DSCAM: variants seen among roughly 807,000 people sequenced by gnomAD.
DSCAM encodes the protein cell adhesion molecule DSCAM.
DSCAM carries 47 observed loss-of-function variants against 217.7 expected under a neutral mutation model. The observed-to-expected ratio is 0.22, with a 90% CI of 0.17 to 0.28. The LOEUF (loss-of-function observed/expected upper bound fraction) is 0.28. Ranked by LOEUF, DSCAM falls within the 10% of genes least tolerant of loss-of-function variation. DSCAM has a pLI of 1.00. For synonymous variants in DSCAM, 1,056 were observed against 1,015.3 expected, an observed-to-expected ratio of 1.04 and a Z score of -0.76; for missense variants, 2,080 against 2,618.3, an observed-to-expected ratio of 0.79 and a Z score of 4.49.
At chr21:40,252,273 T>C (rs2073315224) in intron 11 of DSCAM, among the ~76,000 whole-genome samples, 1 of 152,204 alleles carries the variant, frequency 6.6e-6, no homozygotes, top group Non-Finnish European at 1.5e-5. Context: ...AAAGTATGCA[T>C]GGGTGGCCCT....
chr21:40,493,628 G>A (rs903883997), intron 3 of DSCAM, among the ~76,000 whole-genome samples: 68 of 152,070 alleles, frequency 4.5e-4, no homozygotes, highest in African/African-American at 1.5e-3. Context: ...TTAGGAGGCC[G>A]AGGCAGGTGG....
chr21:40,160,816 C>T (rs2090532423), intron 16 of DSCAM, among the ~76,000 whole-genome samples: 1 of 152,184 alleles, frequency 6.6e-6, no homozygotes, highest in African/African-American at 2.4e-5. Flanking sequence ...AAAGTGCCTA[C>T]ACTTAGATTT....
intron 1 of DSCAM, among the ~76,000 whole-genome samples, chr21:40,808,301 C>T (rs1046339482): frequency 2.0e-5 from 3 of 152,048 alleles, no homozygotes; most frequent in Admixed American, 6.6e-5. Context: ...AGATTGCTGA[C>T]AACATACAGA....
chr21:40,018,536 A>G (rs1277503474), intron 32 of DSCAM, among the ~76,000 whole-genome samples: 3 of 152,182 alleles, frequency 2.0e-5, no homozygotes, highest in Admixed American at 2.0e-4. Flanking sequence ...AGATTTGGGG[A>G]TAAATCTCTA....
At chr21:40,658,333 C>A (rs1307939404) in intron 3 of DSCAM, among the ~76,000 whole-genome samples, 1 of 152,224 alleles carries the variant, frequency 6.6e-6, no homozygotes, top group East Asian at 1.9e-4. Flanking sequence ...TGTGAAGACA[C>A]TGACCTTCTA....
chr21:40,648,986 G>A (rs750991490), intron 3 of DSCAM, among the ~76,000 whole-genome samples: 13 of 152,198 alleles, frequency 8.5e-5, no homozygotes, highest in African/African-American at 1.9e-4. Flanking sequence ...TGGCAGGCCC[G>A]GGGCTGAGCA....
At chr21:40,705,044 G>A (rs2090697410) in intron 2 of DSCAM, among the ~76,000 whole-genome samples, 2 of 152,322 alleles carry the variant, frequency 1.3e-5, no homozygotes, top group East Asian at 3.9e-4. Context: ...CAAGTATCAA[G>A]AGTAAGGGGA....
rs1479796881 is a variant in DSCAM, at chr21:40,229,341, C to T, written c.2357-40103G>A. ...CTGGGGTCCCATGACCTCTTAAATG[C>T]TTTTTTTGAAAATTTTAATTACATT... On this transcript the variant is annotated intron_variant, in intron 11 of 32. Transcript: ENST00000400454. Among the ~76,000 whole-genome samples the T allele has an allele frequency of 2.6e-5, 4 of 152,146 alleles. No homozygotes were observed. The East Asian group carries it at 7.7e-4, about 29-fold the overall frequency.
intron 11 of DSCAM, among the ~76,000 whole-genome samples, chr21:40,265,289 A>G (rs2073510324): frequency 6.6e-6 from 1 of 152,086 alleles, no homozygotes; most frequent in African/African-American, 2.4e-5. Flanking sequence ...AATATACTCT[A>G]CCAAGGAGGT....
At chr21:40,390,007 C>T (rs2075119582) in intron 3 of DSCAM, among the ~76,000 whole-genome samples, 1 of 152,212 alleles carries the variant, frequency 6.6e-6, no homozygotes, top group African/African-American at 2.4e-5. Context: ...ACCTGCTCAT[C>T]CTGTGTCTAT....
chr21:40,789,965 T>C (rs959472135), intron 1 of DSCAM, among the ~76,000 whole-genome samples: 3 of 152,164 alleles, frequency 2.0e-5, no homozygotes, highest in Admixed American at 1.3e-4. Flanking sequence ...AAAGTCTATA[T>C]GGCTCTGATT....
At chr21:40,383,736 T>C (rs1457594557) in intron 3 of DSCAM, 1 of 152,240 alleles carries the variant, frequency 6.6e-6, no homozygotes, top group Non-Finnish European at 1.5e-5. Flanking sequence ...TTTTCTTTCA[T>C]TGTATTGCAT....
chr21:40,070,257 GGAGGGAGGGAGGGAGT>G (rs2089272757), intron 27 of DSCAM, among the ~76,000 whole-genome samples: 5 of 145,736 alleles, frequency 3.4e-5, no homozygotes, highest in East Asian at 2.1e-4. Context: ...AGGGAAGGAG[GGAGGGAGGGAGGGAGT>G]GAAGGAGGGA....
intron 3 of DSCAM, among the ~76,000 whole-genome samples, chr21:40,454,716 T>A (rs1034372657): frequency 6.6e-6 from 1 of 152,222 alleles, no homozygotes; most frequent in African/African-American, 2.4e-5. Flanking sequence ...CTGCAGTATC[T>A]CAGGCAGAAG....
chr21:40,533,450 C>A (rs2076465330), intron 3 of DSCAM, among the ~76,000 whole-genome samples: 1 of 152,158 alleles, frequency 6.6e-6, no homozygotes, highest in South Asian at 2.1e-4. Flanking sequence ...ATCTATCCAT[C>A]CATCCACCCA....
At chr21:40,665,525 C>G (rs2090189562) in intron 3 of DSCAM, among the ~76,000 whole-genome samples, 1 of 152,172 alleles carries the variant, frequency 6.6e-6, no homozygotes, top group African/African-American at 2.4e-5. Context: ...TTGTCACTTT[C>G]CAGGGCATAA....
intron 3 of DSCAM, among the ~76,000 whole-genome samples, chr21:40,677,238 A>C (rs368195073): frequency 1.3e-5 from 2 of 152,184 alleles, no homozygotes; most frequent in African/African-American, 4.8e-5. Context: ...GCATAAAAAG[A>C]AGCAGAGGAA....
rs1157641012 is a variant in DSCAM, at chr21:40,026,221, C to A, written c.5687-12835G>T. Among the ~76,000 whole-genome samples, 28 of 140,392 alleles carry A rather than the reference C, an allele frequency of 2.0e-4. 1 individual carries two copies. The highest frequency in any genetic ancestry group is 4.0e-4 in the East Asian group (2 of 5,040). 92.1% of individuals were successfully genotyped at this position (140,392 alleles called of 152,430 possible). Reference sequence around the variant, plus strand: ...TAATCCTGAGATCTAGTTTGATTGACCTGTGGTCTGAGAGACAGTTTGTTA... The same window carrying A: ...TAATCCTGAGATCTAGTTTGATTGAACTGTGGTCTGAGAGACAGTTTGTTA... On this transcript the variant is annotated intron_variant, in intron 32 of 32. Coordinates refer to ENST00000400454, the MANE Select transcript of DSCAM (RefSeq NM_001389.5).
intron 3 of DSCAM, among the ~76,000 whole-genome samples, chr21:40,516,374 T>C (rs989896009): frequency 3.7e-4 from 56 of 152,268 alleles, no homozygotes; most frequent in Non-Finnish European, 7.4e-4. Flanking sequence ...TCTCAGACCA[T>C]GGAAACAATG....
Sources: allele counts gnomAD v4.1 joint callset (sites outside exome capture counted in the v4.1 genomes callset), GRCh38; gene constraint gnomAD v4.1.1; transcripts MANE v1.5; gene names NCBI Gene and HGNC (gene_info 2026-07-23, HGNC 2026-07-21).